FBXL5: variants seen among roughly 807,000 people sequenced by gnomAD.
FBXL5 encodes F-box/LRR-repeat protein 5.
FBXL5 carries 26 observed loss-of-function variants against 78.3 expected under a neutral mutation model. The ratio of observed to expected loss-of-function variants is 0.33; its 90% CI spans 0.24 to 0.46. The LOEUF (loss-of-function observed/expected upper bound fraction) is 0.46. Ranked by LOEUF, FBXL5 falls within the 20% of genes least tolerant of loss-of-function variation. FBXL5 has a pLI of 1.00. For missense variants in FBXL5, 710 were observed against 829.2 expected, an observed-to-expected ratio of 0.86 and a Z score of 1.77; for synonymous variants, 295 against 282.5, an observed-to-expected ratio of 1.04 and a Z score of -0.45.
At chr4:15,670,826 ACAACGGAT>A (rs148108601) in intron 1 of FBXL5, among the ~76,000 whole-genome samples, 187 of 151,826 alleles carry the variant, frequency 1.2e-3, no homozygotes, top group African/African-American at 4.3e-3. Context: ...CATTTCTGGT[ACAACGGAT>A]CTACTGATGA....
intron 1 of FBXL5, among the ~76,000 whole-genome samples, chr4:15,678,758 A>T (rs1384876798): frequency 6.6e-6 from 1 of 152,214 alleles, no homozygotes; most frequent in Admixed American, 6.5e-5. Flanking sequence ...AGCCTACAGA[A>T]AAATATTTAT....
intron 9 of FBXL5, among the ~76,000 whole-genome samples, chr4:15,615,066 C>T (rs1168562175): frequency 6.6e-6 from 1 of 152,190 alleles, no homozygotes; most frequent in Non-Finnish European, 1.5e-5. Flanking sequence ...GGGCCAGTGG[C>T]TGCGGAGGGT....
intron 9 of FBXL5, among the ~76,000 whole-genome samples, chr4:15,621,226 A>C (rs749338868): frequency 6.6e-6 from 1 of 152,126 alleles, no homozygotes; most frequent in African/African-American, 2.4e-5. Flanking sequence ...TGAATTCACA[A>C]AAAAAATGTT....
chr4:15,623,823 A>G (rs1038724647), intron 9 of FBXL5, among the ~76,000 whole-genome samples: 33 of 151,730 alleles, frequency 2.2e-4, no homozygotes, highest in African/African-American at 7.2e-4. Flanking sequence ...AAATTTTACA[A>G]TAGTTTTTTT....
chr4:15,655,515 G>T, upstream of FBXL5: 2 of 352,480 alleles, frequency 5.7e-6, no homozygotes, highest in Non-Finnish European at 8.0e-6. Flanking sequence ...TCTGCCTCCC[G>T]CCCCCACTCT....
chr4:15,621,450 T>G (rs1459173816), intron 9 of FBXL5, among the ~76,000 whole-genome samples: 1 of 152,182 alleles, frequency 6.6e-6, no homozygotes, highest in African/African-American at 2.4e-5. Flanking sequence ...AAGTAAATAT[T>G]TATATGCCAA....
chr4:15,644,449 A>G (rs1285854150), intron 2 of FBXL5, 44 bp downstream of exon 2: 1 of 1,514,700 alleles, frequency 6.6e-7, no homozygotes. Context: ...ATACCAGAAG[A>G]TGGCACAAGT....
Position 15,625,633 on chromosome 4 carries a change from A to G in FBXL5, c.1469T>C (p.Ile490Thr). ...WMLDAEDLAD[I>T]EDTVEWRHRN... is the part of the protein sequence containing the mutation. ...ATGTCTCCATTCCACAGTATCTTCA[A>G]TATCAGCCAAATCTTCAGCATCTAA... Residue 490 changes from isoleucine (I) to threonine (T), a missense_variant, in exon 9 of 11, where the codon ATT (isoleucine) becomes ACT (threonine). Ile to Thr is a moderately conservative substitution (Grantham distance 89, BLOSUM62 -1). Around this residue, in one of 4 missense-constraint regions of FBXL5, gnomAD observed 517 missense variants for 542.9 expected, o/e 0.95. Transcript: ENST00000341285. 1.2e-6 allele frequency: 2 copies of G among 1,614,204 alleles called. No homozygotes were observed. Among genetic ancestry groups the G allele is most frequent in the Non-Finnish European group, 1.7e-6 (2 of 1,180,026 alleles).
intron 1 of FBXL5, chr4:15,681,240 CAAA>C (rs1035672543): frequency 1.3e-5 from 2 of 152,250 alleles, no homozygotes; most frequent in Non-Finnish European, 2.9e-5. Context: ...TATCAAAGTT[CAAA>C]ATTCTCTAAT....
At chr4:15,678,743 AT>A (rs1284745791) in intron 1 of FBXL5, among the ~76,000 whole-genome samples, 3 of 152,300 alleles carry the variant, frequency 2.0e-5, no homozygotes, top group Admixed American at 1.3e-4. Context: ...TAAGCTTATT[AT>A]TTTAGCCTAC....
intron 2 of FBXL5, 151 bp from the exon 3 acceptor site, chr4:15,641,034 A>G: frequency 2.1e-6 from 1 of 475,998 alleles, no homozygotes. Flanking sequence ...CATAAAAGAT[A>G]CCCATAAAAC....
chr4:15,628,150 G>T, intron 6 of FBXL5, 117 bp from the exon 7 acceptor site: 2 of 985,250 alleles, frequency 2.0e-6, no homozygotes, highest in Non-Finnish European at 1.5e-6. Context: ...ACTTTCTTAT[G>T]TAAACCATCC....
chr4:15,679,262 CA>C (rs1397965563), intron 1 of FBXL5, among the ~76,000 whole-genome samples: 1 of 152,004 alleles, frequency 6.6e-6, no homozygotes, highest in East Asian at 1.9e-4. Flanking sequence ...AGGGTTTCAC[CA>C]TGTTGGTCAG....
intron 9 of FBXL5, among the ~76,000 whole-genome samples, chr4:15,617,933 C>T (rs921496868): frequency 6.6e-6 from 1 of 152,038 alleles, no homozygotes; most frequent in African/African-American, 2.4e-5. Context: ...ACGTAACAAA[C>T]CTGCACATCT....
chr4:15,678,961 A>C (rs1718095174), intron 1 of FBXL5, among the ~76,000 whole-genome samples: 1 of 152,032 alleles, frequency 6.6e-6, no homozygotes, highest in Non-Finnish European at 1.5e-5. Flanking sequence ...CAGCAGAAAT[A>C]AAAAACAAAC....
chr4:15,647,092 G>C (rs1040735200), intron 1 of FBXL5, among the ~76,000 whole-genome samples: 2 of 151,236 alleles, frequency 1.3e-5, no homozygotes, highest in Non-Finnish European at 3.0e-5. Context: ...GAGTGGTGGT[G>C]TGCACCTGTA....
chr4:15,640,624 C>T (rs1053256868), intron 3 of FBXL5, among the ~76,000 whole-genome samples, 164 bp downstream of exon 3: 13 of 151,668 alleles, frequency 8.6e-5, no homozygotes, highest in African/African-American at 1.9e-4. Flanking sequence ...ACAAAACAAA[C>T]GTTTTTTTTT....
At chr4:15,649,029 T>C (rs1715653864) in intron 1 of FBXL5, among the ~76,000 whole-genome samples, 1 of 152,082 alleles carries the variant, frequency 6.6e-6, no homozygotes, top group South Asian at 2.1e-4. Context: ...GAAAAAATGA[T>C]CAACAGATCA....
chr4:15,639,107 C>T (rs1366006716), intron 3 of FBXL5, among the ~76,000 whole-genome samples: 3 of 151,912 alleles, frequency 2.0e-5, no homozygotes, highest in African/African-American at 4.8e-5. Context: ...GAGGTTGCGG[C>T]GAGCCGATAT....
Sources: gnomAD v4.1 joint callset for allele counts (sites outside exome capture counted in the v4.1 genomes callset) on GRCh38, gnomAD v4.1.1 for gene constraint, gnomAD v4.1.1 regional missense constraint, MANE v1.5 for transcripts, NCBI Gene and HGNC (gene_info 2026-07-23, HGNC 2026-07-21) for gene names.